MDN1: variants seen among roughly 807,000 people sequenced by gnomAD.
MDN1 encodes the protein midasin.
MDN1 carries 266 observed loss-of-function variants against 669.2 expected under a neutral mutation model. The observed-to-expected ratio is 0.40, with a 90% confidence interval of 0.36 to 0.44. The LOEUF is 0.44. Among genes scored for constraint, MDN1 ranks in the 20% least tolerant of loss-of-function variants. MDN1 has a pLI of 1.00. For missense variants in MDN1, 5,940 were observed against 6,754.0 expected (o/e 0.88, Z 4.22); for synonymous variants, 2,385 against 2,457.1 (o/e 0.97, Z 0.87).
chr6:89,743,272 A>G lies in MDN1; in HGVS notation c.4326T>C (p.Ile1442=). 6.2e-7 allele frequency: 1 copy of G among 1,614,058 alleles called. No homozygotes were observed. Among genetic ancestry groups the G allele is most frequent in the Non-Finnish European group, 8.5e-7 (1 of 1,180,008 alleles). ...GCCACTCAAAGAGTCTTGATGTGTC[A>G]ATTTCTTCCTATAATTTGAAAAAGT... The part of the protein sequence containing the change: ...VRQKPNDKEE[I]DTSRLFEWHD... The change falls in exon 31 of 102, where the codon ATT becomes ATC. Residue 1442 remains isoleucine (I), a synonymous_variant. Transcript: ENST00000369393.
chr6:89,810,426 ACT>A (rs1373535247), intron 1 of MDN1, among the ~76,000 whole-genome samples: 6 of 152,232 alleles, frequency 3.9e-5, no homozygotes, highest in Non-Finnish European at 5.9e-5. Flanking sequence ...ACAGAGTGAG[ACT>A]CTGTCTCAAA....
chr6:89,724,590 C>T (rs1815082682), intron 38 of MDN1, among the ~76,000 whole-genome samples: 1 of 152,184 alleles, frequency 6.6e-6, no homozygotes, highest in African/African-American at 2.4e-5. Flanking sequence ...GCCAATAAAA[C>T]ATTCTTAAAA....
intron 38 of MDN1, among the ~76,000 whole-genome samples, chr6:89,724,826 G>A (rs1437401628): frequency 6.6e-6 from 1 of 151,968 alleles, no homozygotes; most frequent in African/African-American, 2.4e-5. Context: ...GTAGTTTTCT[G>A]TTCTTTCTTT....
rs181458386 is a variant in MDN1, at chr6:89,693,207, T to C, written c.9882-59A>G. ...TCAGAAGAAGAGCAGCAAATCTAGA[T>C]TGGATCCTCAGCTAGGAAAACCGAA... On this transcript the variant is annotated intron_variant, in intron 62 of 101. Coordinates refer to ENST00000369393, the MANE Select transcript of MDN1 (RefSeq NM_014611.3). The C allele has an allele frequency of 2.7e-5, 34 of 1,262,610 alleles. No individual in the cohort carries two copies. In the East Asian group the frequency reaches 3.8e-4, roughly 14 times the overall value. The allele number at this position is 1,262,610 out of a possible 1,614,324, so 78.2% of individuals were successfully genotyped here.
chr6:89,776,920 C>T (rs998118675), intron 11 of MDN1, among the ~76,000 whole-genome samples: 5 of 151,898 alleles, frequency 3.3e-5, no homozygotes, highest in African/African-American at 1.2e-4. Flanking sequence ...GAAATACTTG[C>T]CAAATAAAAA....
At position 89,648,074 on chromosome 6, in the gene MDN1, T is replaced by C. The variant is rs763531243; in HGVS notation, c.16353A>G (p.Leu5451=). 8 of 1,614,094 alleles carry C rather than the reference T, an allele frequency of 5.0e-6. No homozygotes were observed. Among genetic ancestry groups the C allele is most frequent in the African/African-American group, 2.7e-5 (2 of 74,948 alleles). Residue 5451 remains leucine (L), a synonymous_variant, in exon 99 of 102, where the codon CTA becomes CTG. Coordinates refer to ENST00000369393, the MANE Select transcript of MDN1 (RefSeq NM_014611.3). ...QFSDYSGSQI[L]RLCKFQQKKT... is the part of the protein sequence containing the mutation. ...TCTTTTGTTGGAATTTGCAGAGACG[T>C]AGAATCTGGGACCCAGAGTAATCAC... is the stretch of plus-strand genomic sequence containing the variant.
chr6:89,794,744 C>G lies in MDN1; in HGVS notation c.387G>C (p.Glu129Asp), dbSNP rs138372807. The G allele has an allele frequency of 4.8e-4, 781 of 1,614,192 alleles. 2 individuals carry two copies. The highest frequency in any genetic ancestry group is 9.9e-4 in the Middle Eastern group (6 of 6,062). The part of the protein sequence containing the change: ...TSPVFQRLFL[E>D]SSDANPVRYG... ...AGCGTACTGGATTAGCATCTGAACT[C>G]TCTAGGAAAAGTCTTTGAAAGACTG... The change falls in exon 3 of 102, where the codon GAG (glutamate) becomes GAC (aspartate). Residue 129 changes from glutamate (E) to aspartate (D), a missense_variant. By Grantham distance (45) the Glu-to-Asp change is conservative. Around this residue, in one of 5 missense-constraint regions of MDN1, gnomAD observed 1,203 missense variants for 1,268.9 expected, o/e 0.95. Transcript: ENST00000369393.
chr6:89,646,667 G>T, intron 99 of MDN1, 64 bp from the exon 100 acceptor site: 1 of 1,372,716 alleles, frequency 7.3e-7, no homozygotes, highest in Non-Finnish European at 1.0e-6. Context: ...TTGTCAAAGA[G>T]ACTGATAGTA....
Position 89,774,709 on chromosome 6 carries a change from T to C in MDN1, c.1846A>G (p.Lys616Glu), listed in dbSNP as rs543173625. ...AGCTCATTGATCACAATTTCTGGTT[T>C]ATAAAGTTGACAAAAGAATTCAGCC... is the stretch of plus-strand genomic sequence containing the variant. ...KKAEFFCQLY[K>E]PEIVINELDL... The change falls in exon 13 of 102, where the codon AAA (lysine) becomes GAA (glutamate). Residue 616 changes from lysine to glutamate, a missense_variant. Lys to Glu is a moderately conservative substitution (Grantham distance 56). Transcript: ENST00000369393. 9.3e-6 allele frequency: 15 copies of C among 1,613,430 alleles called. No individual in the cohort carries two copies. The South Asian group carries it at 1.1e-4, about 12-fold the overall frequency.
intron 12 of MDN1, 39 bp downstream of exon 12, chr6:89,776,561 C>T (rs1431142656): frequency 2.0e-6 from 3 of 1,502,088 alleles, no homozygotes; most frequent in Admixed American, 1.8e-5. Flanking sequence ...AAAATCCTAG[C>T]CTCCTTTCAA....
chr6:89,693,931 T>C lies in MDN1; in HGVS notation c.9881+143A>G, dbSNP rs1812548239. On this transcript the variant is annotated intron_variant, in intron 62 of 101. Coordinates refer to ENST00000369393, the MANE Select transcript of MDN1 (RefSeq NM_014611.3). ...CTCCTTTCACAAGGCATATTATTTTTCCTGACTATAAACAATGCTTTGGCA... is the reference window on the plus strand; with the variant it reads ...CTCCTTTCACAAGGCATATTATTTTCCCTGACTATAAACAATGCTTTGGCA... The C allele has an allele frequency of 5.8e-6, 4 of 688,604 alleles. No homozygotes were observed. The East Asian group carries it at 1.1e-4, about 19-fold the overall frequency. The allele number at this position is 688,604 out of a possible 1,614,324, so 42.7% of individuals were successfully genotyped here.
rs761875194 is a variant in MDN1, at chr6:89,743,298, G to A, written c.4318-18C>T. ...ATTTCTTCCTATAATTTGAAAAAGT[G>A]GGGAAAATTAAAGGGCAGGTGGCTC... On this transcript the variant is annotated intron_variant, in intron 30 of 101. Coordinates refer to ENST00000369393, the MANE Select transcript of MDN1 (RefSeq NM_014611.3). 9.9e-6 allele frequency: 16 copies of A among 1,613,886 alleles called. No homozygotes were observed. Among genetic ancestry groups the A allele is most frequent in the Non-Finnish European group, 1.4e-5 (16 of 1,179,888 alleles).
chr6:89,750,508 T>A lies in MDN1; in HGVS notation c.3252A>T (p.Gly1084=), dbSNP rs748012979. Residue 1084 remains glycine, a synonymous_variant, in exon 24 of 102, where the codon GGA becomes GGT. Transcript: ENST00000369393. ...SAGTYPVLIQ[G]ETSVGKTSLI... ...GGCTTGTTTTACCAACTGATGTCTCTCCCTGAATCAGCACTGGATAGGTTC... is the reference window on the plus strand; with the variant it reads ...GGCTTGTTTTACCAACTGATGTCTCACCCTGAATCAGCACTGGATAGGTTC... 1.2e-6 allele frequency: 2 copies of A among 1,613,426 alleles called. No individual in the cohort carries two copies. Among genetic ancestry groups the A allele is most frequent in the South Asian group, 2.2e-5 (2 of 91,026 alleles).
chr6:89,771,545 T>C lies in MDN1; in HGVS notation c.2144+16A>G. ...ATAAACACAAAAATAAGAAAAAAAT[T>C]TTAAGCCACACTTACCCTCCAAGCA... On this transcript the variant is annotated intron_variant, in intron 15 of 101. Transcript: ENST00000369393. 6.2e-7 allele frequency: 1 copy of C among 1,605,216 alleles called. No individual in the cohort carries two copies. The highest frequency in any genetic ancestry group is 1.3e-5 in the African/African-American group (1 of 74,444).
chr6:89,758,380 CA>C (rs756320541), intron 18 of MDN1, 29 bp from the exon 19 acceptor site: 21 of 1,545,868 alleles, frequency 1.4e-5, no homozygotes, highest in Admixed American at 1.8e-5. Flanking sequence ...AAATTCTCAA[CA>C]AAGGTATGAT....
At chr6:89,804,248 T>C (rs1335823229) in intron 1 of MDN1, among the ~76,000 whole-genome samples, 1 of 152,052 alleles carries the variant, frequency 6.6e-6, no homozygotes, top group African/African-American at 2.4e-5. Context: ...TGCACTGCTG[T>C]AGAAAAGCAG....
In MDN1 at chr6:89,780,212, C is replaced by A; in HGVS notation, c.1725G>T (p.Glu575Asp). 1 of 1,539,208 alleles carries A rather than the reference C, an allele frequency of 6.5e-7. No individual in the cohort carries two copies. Among genetic ancestry groups the A allele is most frequent in the South Asian group, 1.3e-5 (1 of 79,554 alleles). Residue 575 changes from glutamate (E) to aspartate (D), a missense_variant and splice_region_variant, in exon 11 of 102, where the codon GAG (glutamate) becomes GAT (aspartate). Around this residue, in one of 5 missense-constraint regions of MDN1, gnomAD observed 1,203 missense variants for 1,268.9 expected, o/e 0.95. Coordinates refer to ENST00000369393, the MANE Select transcript of MDN1 (RefSeq NM_014611.3). Reference protein sequence around the residue: ...SLSASLNIFQEALDCFTAMLS... With the variant: ...SLSASLNIFQDALDCFTAMLS... The stretch of plus-strand genomic sequence containing the variant: ...AAAAGACTGGAAAACTATATCTTAC[C>A]TCTTGAAAAATATTTAATGATGCTG...
chr6:89,716,083 C>T (rs183022947), intron 44 of MDN1, among the ~76,000 whole-genome samples: 1 of 152,310 alleles, frequency 6.6e-6, no homozygotes, highest in Admixed American at 6.5e-5. Context: ...CATCCCTCAA[C>T]ATTATCAAAT....
At chr6:89,667,921 T>C in intron 84 of MDN1, 93 bp downstream of exon 84, 1 of 1,484,098 alleles carries the variant, frequency 6.7e-7, no homozygotes, top group Non-Finnish European at 9.1e-7. Flanking sequence ...TTAAAAATTA[T>C]TAACCTAGTA....
Sources: allele counts gnomAD v4.1 joint callset (sites outside exome capture counted in the v4.1 genomes callset), GRCh38; gene constraint gnomAD v4.1.1; regional missense constraint gnomAD v4.1.1; transcripts MANE v1.5; gene names NCBI Gene and HGNC (gene_info 2026-07-23, HGNC 2026-07-21).